HUWE1: variants seen among roughly 807,000 people sequenced by gnomAD.
HUWE1 encodes HECT, UBA and WWE domain containing E3 ubiquitin protein ligase 1, also known as E3 ubiquitin-protein ligase HUWE1.
In HUWE1, 18 loss-of-function variants were observed where a neutral mutation model predicts 299.4. That is an observed-to-expected ratio of 0.06 (90% CI 0.04 to 0.09). The LOEUF (loss-of-function observed/expected upper bound fraction) is 0.09, where lower values mean the gene tolerates loss of function less well. Among genes scored for constraint, HUWE1 ranks in the 10% least tolerant of loss-of-function variants. The pLI, the probability that HUWE1 is intolerant of heterozygous loss-of-function variation, is 1.00. For synonymous variants in HUWE1, 1,317 were observed against 1,286.1 expected (o/e 1.02, Z -0.51); for missense variants, 1,832 against 3,462.3 (o/e 0.53, Z 11.82).
rs781944162 is a variant in HUWE1 at position 53,551,156 on chromosome X, G to A, written c.9130C>T (p.Arg3044Ter). Residue 3044 changes from arginine to a stop codon, truncating the protein, a stop_gained, in exon 65 of 84, where the codon CGA (arginine) becomes TGA (stop). Coordinates refer to ENST00000262854, the MANE Select transcript of HUWE1 (RefSeq NM_031407.7). LOFTEE classifies it high-confidence loss of function. The stretch of plus-strand genomic sequence containing the variant: ...GAGCTGGCATTCTGTGCTAGTTCTC[G>A]TCGCTGCTGCTCAGCTCTCTGCTGT... ...LAQQRAEQQR[R>*]ELAQNASSDT... is the part of the protein sequence containing the mutation. The A allele has an allele frequency of 1.7e-6, 2 of 1,211,832 alleles. No individual in the cohort carries two copies. Among genetic ancestry groups the A allele is most frequent in the South Asian group, 1.8e-5 (1 of 56,988 alleles).
intron 19 of HUWE1, among the ~76,000 whole-genome samples, chrX:53,624,390 G>A (rs2066348846): frequency 8.9e-6 from 1 of 112,075 alleles, no homozygotes; most frequent in African/African-American, 3.3e-5. Flanking sequence ...CCAGCTACTC[G>A]GGAGGCTGAG....
intron 39 of HUWE1, 133 bp from the exon 40 acceptor site, chrX:53,585,321 A>C: frequency 1.6e-6 from 1 of 632,287 alleles, no homozygotes; most frequent in Non-Finnish European, 2.5e-6. Context: ...TTTAAAAACC[A>C]AAAGAACATT....
chrX:53,548,205 G>A lies in HUWE1; in HGVS notation c.10104C>T (p.Gly3368=), dbSNP rs1556925025. The A allele has an allele frequency of 1.8e-5, 22 of 1,209,792 alleles. No individual in the cohort carries two copies. The highest frequency in any genetic ancestry group is 2.3e-5 in the Non-Finnish European group (21 of 894,292). ...ETNCESDRER[G]NKACSPCSSQ... ...AGGAGCATGGGCTACAGGCCTTATT[G>A]CCCCTTTCCCGATCACTCTCACAGT... Residue 3368 remains glycine, a synonymous_variant, in exon 68 of 84, where the codon GGC becomes GGT. Coordinates refer to ENST00000262854, the MANE Select transcript of HUWE1 (RefSeq NM_031407.7).
At chrX:53,550,220 C>G (rs2061714306) in intron 66 of HUWE1, among the ~76,000 whole-genome samples, 1 of 111,573 alleles carries the variant, frequency 9.0e-6, no homozygotes, top group Non-Finnish European at 1.9e-5. Context: ...TAGTTTCTGC[C>G]TTCTCTAGAC....
chrX:53,649,125 G>A (rs1247748380), intron 4 of HUWE1, among the ~76,000 whole-genome samples: 8 of 112,122 alleles, frequency 7.1e-5, no homozygotes, highest in African/African-American at 2.6e-4. Flanking sequence ...AACCAAACAA[G>A]TCTGGATTCA....
At position 53,533,421 on chromosome X, in the gene HUWE1, G is replaced by A. The variant is rs1253251232; in HGVS notation, c.13023-10C>T. On this transcript the variant is annotated splice_polypyrimidine_tract_variant and intron_variant, in intron 83 of 83. Transcript: ENST00000262854. ...ATCCAGCTGATTAAAACTAAGGAAA[G>A]AAGAAAGATCAGTTTGTGGTGAGGG... 1 of 1,147,244 alleles carries A rather than the reference G, an allele frequency of 8.7e-7. No individual in the cohort carries two copies. The highest frequency in any genetic ancestry group is 2.2e-5 in the Admixed American group (1 of 45,324). 94.5% of individuals were successfully genotyped at this position (1,147,244 alleles called of 1,213,427 possible). A position where few individuals can be genotyped will look rare whatever the true frequency, so the allele number is the denominator to read the frequency against.
rs1556977085 is a variant in HUWE1 at position 53,589,771 on chromosome X, T to C, written c.4237A>G (p.Lys1413Glu). The change falls in exon 36 of 84, where the codon AAG (lysine) becomes GAG (glutamate). Residue 1413 changes from lysine to glutamate, a missense_variant. By Grantham distance (56) the Lys-to-Glu change is moderately conservative. This residue lies in a region of HUWE1 where 658 missense variants were observed against 1,282.6 expected (regional missense o/e 0.51). Transcript: ENST00000262854. ...CATTTAGCCTCTTCCTCCTCCTGCT[T>C]TTCCCGAGCTTTCCGTTCCTCTTCC... is the stretch of plus-strand genomic sequence containing the variant. ...KEEEERKARE[K>E]QEEEEAKCLE... 1.7e-6 allele frequency: 2 copies of C among 1,209,991 alleles called. No homozygotes were observed. Among genetic ancestry groups the C allele is most frequent in the East Asian group, 5.9e-5 (2 of 33,819 alleles).
At chrX:53,663,772 G>A (rs782773149) in intron 3 of HUWE1, among the ~76,000 whole-genome samples, 10 of 109,046 alleles carry the variant, frequency 9.2e-5, no homozygotes, top group African/African-American at 3.4e-5. Flanking sequence ...ATCTTCTCCC[G>A]AACCCCTCAA....
chrX:53,602,181 A>C (rs1556991503), intron 28 of HUWE1, among the ~76,000 whole-genome samples: 1 of 111,838 alleles, frequency 8.9e-6, no homozygotes, highest in Non-Finnish European at 1.9e-5. Flanking sequence ...ATTTTTTAAA[A>C]ATAGCATATT....
intron 23 of HUWE1, among the ~76,000 whole-genome samples, chrX:53,613,611 C>A (rs2065622296): frequency 9.0e-6 from 1 of 111,433 alleles, no homozygotes; most frequent in African/African-American, 3.3e-5. Flanking sequence ...GGTGGACTAC[C>A]CCCTACCAAT....
rs782387490 is a variant in HUWE1, at chrX:53,533,304, C to G, written c.*5G>C. The G allele has an allele frequency of 6.0e-6, 7 of 1,169,342 alleles. No individual in the cohort carries two copies. Among genetic ancestry groups the G allele is most frequent in the Non-Finnish European group, 8.2e-6 (7 of 858,404 alleles). On this transcript the variant is annotated 3_prime_UTR_variant, in exon 84 of 84. Transcript: ENST00000262854. ...AAAAACCCCACGGAGTTGGGCAGGG[C>G]CTTATTAGGCCAGCCCAAAGCCTTC...
intron 25 of HUWE1, among the ~76,000 whole-genome samples, chrX:53,606,330 T>C (rs1556996712): frequency 1.8e-5 from 2 of 112,318 alleles, no homozygotes; most frequent in East Asian, 2.8e-4. Context: ...ACAAAGAAGA[T>C]ATATACATGG....
intron 37 of HUWE1, among the ~76,000 whole-genome samples, chrX:53,587,143 G>T (rs950105842): frequency 9.8e-5 from 11 of 112,232 alleles, no homozygotes; most frequent in Admixed American, 2.8e-4. Flanking sequence ...GAATAATTGT[G>T]ATGATTGAGG....
At chrX:53,567,852 C>T (rs782394343) in intron 49 of HUWE1, among the ~76,000 whole-genome samples, 1 of 111,049 alleles carries the variant, frequency 9.0e-6, no homozygotes, top group East Asian at 2.8e-4. Flanking sequence ...ACAATATGAG[C>T]TATACATCAC....
rs140029565 is a variant in HUWE1, at chrX:53,665,874, G to A, written c.-24-11743C>T. 2.7e-5 allele frequency among the ~76,000 whole-genome samples: 3 copies of A among 112,019 alleles called. No homozygotes were observed. The East Asian group carries it at 8.4e-4, about 31-fold the overall frequency. ...ATTGTCAGTTTCTGGCTGCATGCCT[G>A]TAATCCCAGCACTTTGGAAGCCTGA... On this transcript the variant is annotated intron_variant, in intron 3 of 83. Transcript: ENST00000262854.
In HUWE1 at chrX:53,642,322, G is replaced by A. The variant is rs1356770042; in HGVS notation, c.504+2989C>T. On this transcript the variant is annotated intron_variant, in intron 7 of 83. Transcript: ENST00000262854. ...CTTTTTAAGTTTCAGAAATGGTACT[G>A]AGCAATGAAAACTGTTGCTTTTACT... 1.3e-4 allele frequency among the ~76,000 whole-genome samples: 14 copies of A among 111,955 alleles called. 1 individual carries two copies. The highest frequency in any genetic ancestry group is 1.1e-4 in the Non-Finnish European group (6 of 53,133).
intron 36 of HUWE1, among the ~76,000 whole-genome samples, chrX:53,589,116 G>A (rs2064014058): frequency 2.1e-5 from 2 of 93,425 alleles, no homozygotes; most frequent in African/African-American, 6.6e-5. Context: ...GGGATTTAAG[G>A]TAATTCCTTT....
intron 3 of HUWE1, among the ~76,000 whole-genome samples, chrX:53,663,366 A>C (rs2069100841): frequency 8.9e-6 from 1 of 111,901 alleles, no homozygotes; most frequent in African/African-American, 3.2e-5. Flanking sequence ...CAAAAAAATT[A>C]GCCGGGTGTG....
chrX:53,577,182 C>T (rs1325042960), intron 43 of HUWE1, 115 bp from the exon 44 acceptor site: 17 of 562,829 alleles, frequency 3.0e-5, no homozygotes, highest in Non-Finnish European at 5.3e-5. Flanking sequence ...GATAGGAGAC[C>T]ATTTTCAATT....
Sources: gnomAD v4.1 joint callset for allele counts (sites outside exome capture counted in the v4.1 genomes callset) on GRCh38, gnomAD v4.1.1 for gene constraint, gnomAD v4.1.1 regional missense constraint, MANE v1.5 for transcripts, NCBI Gene and HGNC (gene_info 2026-07-23, HGNC 2026-07-21) for gene names.